The following ZBTB16 variants were observed in gnomAD, a reference collection of about 807,000 sequenced individuals.
The protein encoded by ZBTB16 is zinc finger and BTB domain containing 16.
In ZBTB16, 8 loss-of-function variants were observed where a neutral mutation model predicts 56.8. That is an observed-to-expected ratio of 0.14 (90% CI 0.08 to 0.25). ZBTB16 has a LOEUF of 0.25. Among genes scored for constraint, ZBTB16 ranks in the 10% least tolerant of loss-of-function variants. The pLI, the probability that ZBTB16 is intolerant of heterozygous loss-of-function variation, is 1.00. For missense variants in ZBTB16, 625 were observed against 903.0 expected (o/e 0.69, Z 3.95); for synonymous variants, 363 against 368.5 (o/e 0.98, Z 0.17).
At position 114,250,580 on chromosome 11, in the gene ZBTB16, G is replaced by T. The variant is rs373656983; in HGVS notation, c.*25G>T. 1.2e-6 allele frequency: 2 copies of T among 1,610,602 alleles called. No individual in the cohort carries two copies. The highest frequency in any genetic ancestry group is 1.1e-5 in the South Asian group (1 of 90,962). On this transcript the variant is annotated 3_prime_UTR_variant, in exon 7 of 7. Transcript: ENST00000335953. The surrounding 1 kb of genome is among the most constrained non-coding windows in gnomAD (Gnocchi z 6.0). The stretch of plus-strand genomic sequence containing the variant: ...AAGGGAGGCCCGCGGCGGTGGAGCC[G>T]AGCGGGGAGCCAGGAAAGAAGAGTT...
intron 3 of ZBTB16, among the ~76,000 whole-genome samples, chr11:114,165,079 C>T (rs910700190): frequency 1.3e-5 from 2 of 152,130 alleles, no homozygotes; most frequent in African/African-American, 4.8e-5. Context: ...CTCCCTGCCT[C>T]CCTGCCTCCC....
At chr11:114,126,728 C>G (rs958311696) in intron 2 of ZBTB16, among the ~76,000 whole-genome samples, 8 of 151,980 alleles carry the variant, frequency 5.3e-5, no homozygotes, top group Non-Finnish European at 1.0e-4. Context: ...GGAGGGAGAC[C>G]CTGTGTGTCC....
At chr11:114,061,594 G>C (rs1938872927) in intron 1 of ZBTB16, 3 of 152,314 alleles carry the variant, frequency 2.0e-5, no homozygotes. Flanking sequence ...GTGAGGGAGA[G>C]ACCTTGCTGT....
chr11:114,222,076 C>T (rs1432337271), intron 4 of ZBTB16, among the ~76,000 whole-genome samples: 1 of 152,108 alleles, frequency 6.6e-6, no homozygotes, highest in African/African-American at 2.4e-5. Flanking sequence ...GGTGTGGAAT[C>T]GTGCTTGGTG....
chr11:114,064,300 T>C lies in ZBTB16; in HGVS notation c.1000T>C (p.Tyr334His). The part of the protein sequence containing the change: ...APPPEKHLGI[Y>H]SVLPNHKADA... Reference sequence around the variant, plus strand: ...CCCGCCTGAGAAGCATCTGGGCATCTACTCCGTGTTGCCCAACCACAAGGC... The same window carrying C: ...CCCGCCTGAGAAGCATCTGGGCATCCACTCCGTGTTGCCCAACCACAAGGC... Residue 334 changes from tyrosine to histidine, a missense_variant, in exon 2 of 7, where the codon TAC becomes CAC. Around this residue, in one of 6 missense-constraint regions of ZBTB16, gnomAD observed 384 missense variants for 393.5 expected, o/e 0.98. Coordinates refer to ENST00000335953, the MANE Select transcript of ZBTB16 (RefSeq NM_006006.6). The surrounding 1 kb of genome is among the most constrained non-coding windows in gnomAD (Gnocchi z 4.2). 6.2e-7 allele frequency: 1 copy of C among 1,614,126 alleles called. No homozygotes were observed. Among genetic ancestry groups the C allele is most frequent in the African/African-American group, 1.3e-5 (1 of 75,068 alleles).
At chr11:114,215,561 A>C (rs1222783950) in intron 4 of ZBTB16, among the ~76,000 whole-genome samples, 1 of 151,842 alleles carries the variant, frequency 6.6e-6, no homozygotes, top group Non-Finnish European at 1.5e-5. Context: ...TAAGAGAAAG[A>C]CTCCTTTTGT....
chr11:114,175,500 A>G (rs1943086161), intron 3 of ZBTB16, among the ~76,000 whole-genome samples: 1 of 151,526 alleles, frequency 6.6e-6, no homozygotes, highest in South Asian at 2.1e-4. Flanking sequence ...TCTGTTGCCC[A>G]GGCTGGAGTG....
At chr11:114,108,279 C>T (rs940382347) in intron 2 of ZBTB16, among the ~76,000 whole-genome samples, 1 of 152,080 alleles carries the variant, frequency 6.6e-6, no homozygotes, top group Non-Finnish European at 1.5e-5. Context: ...AAGCTGCTCC[C>T]GAGTCTTTCA....
chr11:114,103,000 TGCTGGGAA>T (rs1940667518), intron 2 of ZBTB16, among the ~76,000 whole-genome samples: 1 of 152,234 alleles, frequency 6.6e-6, no homozygotes, highest in Non-Finnish European at 1.5e-5. Flanking sequence ...TCCTCTCGGC[TGCTGGGAA>T]CATTAAAAGA....
chr11:114,249,508 G>A (rs1265699785), intron 6 of ZBTB16, among the ~76,000 whole-genome samples: 3 of 136,676 alleles, frequency 2.2e-5, no homozygotes, highest in Non-Finnish European at 4.6e-5. Context: ...GCTCACGCCT[G>A]TAATCCCAGC....
At chr11:114,161,201 A>C (rs1300337683) in intron 3 of ZBTB16, among the ~76,000 whole-genome samples, 1 of 152,108 alleles carries the variant, frequency 6.6e-6, no homozygotes, top group Non-Finnish European at 1.5e-5. Context: ...CATTAGGTAG[A>C]TTTCCCACAG....
chr11:114,168,410 T>C (rs906016334), intron 3 of ZBTB16, among the ~76,000 whole-genome samples: 2 of 152,202 alleles, frequency 1.3e-5, no homozygotes, highest in African/African-American at 4.8e-5. Flanking sequence ...GGGCTCAGGA[T>C]GCATGGTTTG....
intron 3 of ZBTB16, among the ~76,000 whole-genome samples, chr11:114,174,088 C>A (rs558996482): frequency 6.6e-6 from 1 of 152,322 alleles, no homozygotes; most frequent in Admixed American, 6.5e-5. Flanking sequence ...AGGAACATGA[C>A]TTCCACTTTG....
intron 4 of ZBTB16, chr11:114,188,070 A>T (rs1943404231): frequency 2.0e-5 from 3 of 153,530 alleles, no homozygotes; most frequent in Admixed American, 1.3e-4. Flanking sequence ...ATTATAATGT[A>T]ATAATAGAAA....
At chr11:114,192,789 C>T (rs1051230976) in intron 4 of ZBTB16, among the ~76,000 whole-genome samples, 20 of 152,260 alleles carry the variant, frequency 1.3e-4, no homozygotes, top group Admixed American at 1.2e-3. Flanking sequence ...ATTGCTAGAC[C>T]GCATGTAACT....
chr11:114,115,551 G>A (rs1283359706), intron 2 of ZBTB16, among the ~76,000 whole-genome samples: 1 of 152,022 alleles, frequency 6.6e-6, no homozygotes, highest in African/African-American at 2.4e-5. Flanking sequence ...CCCGCGCTGT[G>A]CCTCTTCTCT....
At chr11:114,108,963 G>A (rs954806298) in intron 2 of ZBTB16, among the ~76,000 whole-genome samples, 5 of 152,204 alleles carry the variant, frequency 3.3e-5, no homozygotes, top group East Asian at 1.9e-4. Flanking sequence ...CTAAGTTGCC[G>A]CTCTGCCTAC....
At chr11:114,221,431 C>A (rs651748) in intron 4 of ZBTB16, among the ~76,000 whole-genome samples, 97,957 of 152,046 alleles carry the variant, frequency 0.64, 32,048 homozygotes, top group Middle Eastern at 0.76. Context: ...ATAAGTTGCC[C>A]TGTCTTAAAG....
At chr11:114,218,726 T>C (rs1428541896) in intron 4 of ZBTB16, among the ~76,000 whole-genome samples, 14 of 152,330 alleles carry the variant, frequency 9.2e-5, no homozygotes, top group South Asian at 2.1e-4. Flanking sequence ...AACTCATGAC[T>C]GCAGTAGGTT....
Sources: gnomAD v4.1 joint callset for allele counts (sites outside exome capture counted in the v4.1 genomes callset) on GRCh38, gnomAD v4.1.1 for gene constraint, gnomAD v4.1.1 regional missense constraint, Gnocchi (gnomAD v3.1) non-coding constraint, MANE v1.5 for transcripts, NCBI Gene and HGNC (gene_info 2026-07-23, HGNC 2026-07-21) for gene names.